TNS1: variants seen among roughly 807,000 people sequenced by gnomAD.
The protein encoded by TNS1 is tensin-1.
TNS1 carries 62 observed loss-of-function variants against 168.6 expected under a neutral mutation model. That is an observed-to-expected ratio of 0.37 (90% CI 0.30 to 0.45). The LOEUF (loss-of-function observed/expected upper bound fraction) is 0.45, where lower values mean the gene tolerates loss of function less well. TNS1 is among the 20% of genes least tolerant of loss of function. TNS1 has a pLI of 1.00. For missense variants in TNS1, 2,240 were observed against 2,339.4 expected (o/e 0.96, Z 0.88); for synonymous variants, 934 against 933.2 (o/e 1.00, Z -0.02).
In TNS1 at chr2:217,998,219, G is replaced by GCGTCTCTCTC. The variant is rs1958503762; in HGVS notation, c.33+4620_33+4621insGAGAGAGACG. 7.2e-5 allele frequency among the ~76,000 whole-genome samples: 7 copies of GCGTCTCTCTC among 97,086 alleles called. No homozygotes were observed. The South Asian group carries it at 2.8e-3, about 39-fold the overall frequency. 63.7% of individuals were successfully genotyped at this position (97,086 alleles called of 152,430 possible). A position where few individuals can be genotyped will look rare whatever the true frequency, so the allele number is the denominator to read the frequency against. On this transcript the variant is annotated intron_variant, in intron 1 of 32. Coordinates refer to ENST00000682258, the MANE Select transcript of TNS1 (RefSeq NM_001387777.1). ...TGAGATAGATGAGTTCTCTCCATCAGTGTCTCTCTCTCTCTCTCTCTCTCT... is the reference window on the plus strand; with the variant it reads ...TGAGATAGATGAGTTCTCTCCATCAGCGTCTCTCTCTGTCTCTCTCTCTCTCTCTCTCTCT...
At chr2:217,905,856 ACCCATCTC>A (rs1306936296) in intron 6 of TNS1, among the ~76,000 whole-genome samples, 1 of 152,142 alleles carries the variant, frequency 6.6e-6, no homozygotes, top group Non-Finnish European at 1.5e-5. Context: ...GGACCCGTGG[ACCCATCTC>A]CCAGCCTCCT....
intron 18 of TNS1, chr2:217,850,038 C>T: frequency 2.0e-6 from 2 of 985,422 alleles, no homozygotes; most frequent in Non-Finnish European, 2.4e-6. Flanking sequence ...CAGCTCCTCC[C>T]CAGCACTGCC....
chr2:217,893,051 G>T (rs1165742456), intron 10 of TNS1, 39 bp from the exon 11 acceptor site: 12 of 1,611,642 alleles, frequency 7.4e-6, no homozygotes, highest in South Asian at 1.1e-5. Flanking sequence ...TATTTCTAAG[G>T]CCAGCCTTGC....
At position 217,848,170 on chromosome 2, in the gene TNS1, G is replaced by A; in HGVS notation, c.2347C>T (p.Gln783Ter). The A allele has an allele frequency of 6.2e-7, 1 of 1,600,126 alleles. No homozygotes were observed. Among genetic ancestry groups the A allele is most frequent in the South Asian group, 1.1e-5 (1 of 88,874 alleles). The change falls in exon 19 of 33, where the codon CAG (glutamine) becomes TAG (stop). Residue 783 changes from glutamine (Q) to a stop codon, truncating the protein, a stop_gained. Transcript: ENST00000682258. LOFTEE classifies it high-confidence loss of function. ...NSWQQQQQQQ[Q>*]QPRPPPRQQE... is the part of the protein sequence containing the mutation. ...TGGCGTGGAGGTGGGCGAGGCTGCT[G>A]CTGCTGCTGCTGCTGCTGCTGCCAC...
intron 3 of TNS1, among the ~76,000 whole-genome samples, chr2:217,974,263 T>C (rs1171749164): frequency 6.6e-6 from 1 of 152,228 alleles, no homozygotes; most frequent in African/African-American, 2.4e-5. Context: ...GTGTGAATTA[T>C]ACCCCAATTA....
intron 1 of TNS1, among the ~76,000 whole-genome samples, chr2:217,998,120 C>A (rs987104703): frequency 6.6e-6 from 1 of 152,224 alleles, no homozygotes; most frequent in African/African-American, 2.4e-5. Context: ...GGAAGGAGGG[C>A]AGACAGTGAC....
chr2:217,961,659 T>C (rs3791884), intron 3 of TNS1, among the ~76,000 whole-genome samples: 40,726 of 152,094 alleles, frequency 0.27, 6,152 homozygotes, highest in African/African-American at 0.42. Flanking sequence ...AGGACCTGAA[T>C]GATACACTTT....
intron 3 of TNS1, chr2:217,937,063 CTTCAAAA>C (rs1241288981): frequency 2.2e-6 from 1 of 455,472 alleles, no homozygotes. Context: ...CCTTGCCAAA[CTTCAAAA>C]TCCATCTCAA....
intron 2 of TNS1, among the ~76,000 whole-genome samples, chr2:217,980,042 C>A (rs1364364575): frequency 6.6e-6 from 1 of 152,052 alleles, no homozygotes; most frequent in Non-Finnish European, 1.5e-5. Flanking sequence ...TTGTCTGAGG[C>A]AGAAGGGGCT....
At chr2:217,891,820 G>T (rs1951773824) in intron 11 of TNS1, among the ~76,000 whole-genome samples, 1 of 152,096 alleles carries the variant, frequency 6.6e-6, no homozygotes, top group Non-Finnish European at 1.5e-5. Context: ...CTCTCAGTGT[G>T]CAGGGCACAT....
intron 4 of TNS1, among the ~76,000 whole-genome samples, chr2:217,909,903 G>A (rs1181903353): frequency 6.6e-6 from 1 of 152,206 alleles, no homozygotes; most frequent in Admixed American, 6.5e-5. Flanking sequence ...CCCGCACAGG[G>A]TTATTTTGGG....
In TNS1 at chr2:217,880,887, G is replaced by A. The variant is rs1243475030; in HGVS notation, c.1429+11C>T. ...TTGGATAGGGGCTGGGAGCCACTAG[G>A]TCCCACCTACCCTCCATGCCGTCAT... On this transcript the variant is annotated intron_variant, in intron 18 of 32. Coordinates refer to ENST00000682258, the MANE Select transcript of TNS1 (RefSeq NM_001387777.1). This position sits in a 1 kb window ranked among gnomAD's most constrained non-coding sequence, Gnocchi z 4.2. The A allele has an allele frequency of 1.9e-6, 3 of 1,602,228 alleles. No individual in the cohort carries two copies. The highest frequency in any genetic ancestry group is 1.7e-5 in the Admixed American group (1 of 59,976).
At chr2:217,805,687 TCA>T (rs1329111638) in intron 32 of TNS1, among the ~76,000 whole-genome samples, 2 of 31,066 alleles carry the variant, frequency 6.4e-5, no homozygotes, top group African/African-American at 2.2e-4. Context: ...ATACACACCA[TCA>T]CACACATCAC....
upstream of TNS1, chr2:218,003,139 G>A (rs865961406): frequency 9.2e-5 from 33 of 358,978 alleles, no homozygotes; most frequent in East Asian, 5.2e-4. Flanking sequence ...CTGCTTTGCA[G>A]GGGGTGTAAA....
upstream of TNS1, among the ~76,000 whole-genome samples, chr2:218,004,593 A>G (rs1385586144): frequency 6.6e-6 from 1 of 150,594 alleles, no homozygotes; most frequent in Non-Finnish European, 1.5e-5. Context: ...GGTTGTCCAC[A>G]GCACAAGGGA....
At chr2:217,821,689 A>T in intron 23 of TNS1, 51 bp downstream of exon 23, 1 of 1,402,910 alleles carries the variant, frequency 7.1e-7, no homozygotes, top group Non-Finnish European at 9.3e-7. Flanking sequence ...ATCCCGTCCC[A>T]GTCCCAGGCC....
chr2:217,974,678 G>A (rs570940125), intron 3 of TNS1, among the ~76,000 whole-genome samples: 6 of 152,276 alleles, frequency 3.9e-5, no homozygotes, highest in East Asian at 1.9e-4. Context: ...TTTGACTATC[G>A]TTCCAAGAAA....
chr2:217,854,642 C>G (rs751138102), intron 18 of TNS1, among the ~76,000 whole-genome samples: 1 of 152,234 alleles, frequency 6.6e-6, no homozygotes, highest in Non-Finnish European at 1.5e-5. Flanking sequence ...CCACGTGCAT[C>G]TGAGAGGTAG....
At chr2:217,999,036 G>T (rs1958516365) in intron 1 of TNS1, among the ~76,000 whole-genome samples, 1 of 152,186 alleles carries the variant, frequency 6.6e-6, no homozygotes, top group Admixed American at 6.5e-5. Context: ...AAAGCCAAAT[G>T]ATGGGATGCT....
Sources: gnomAD v4.1 joint callset for allele counts (sites outside exome capture counted in the v4.1 genomes callset) on GRCh38, gnomAD v4.1.1 for gene constraint, Gnocchi (gnomAD v3.1) non-coding constraint, MANE v1.5 for transcripts, NCBI Gene and HGNC (gene_info 2026-07-23, HGNC 2026-07-21) for gene names.